Variants in KIAA0825 observed in about 807,000 individuals in gnomAD.
The protein encoded by KIAA0825 is uncharacterized protein KIAA0825.
A neutral mutation model predicts 147.6 loss-of-function variants in KIAA0825; 119 were observed. The ratio of observed to expected loss-of-function variants is 0.81; its 90% CI spans 0.69 to 0.94. KIAA0825 has a LOEUF of 0.94. Ranked by LOEUF, KIAA0825 falls within the 40% of genes least tolerant of loss-of-function variation. The pLI, the probability that KIAA0825 is intolerant of heterozygous loss-of-function variation, is 0.00. For synonymous variants in KIAA0825, 470 were observed against 518.1 expected (o/e 0.91, Z 1.26); for missense variants, 1,381 against 1,472.7 (o/e 0.94, Z 1.02).
chr5:94,329,536 A>G (rs745601337), intron 20 of KIAA0825, among the ~76,000 whole-genome samples: 1 of 152,160 alleles, frequency 6.6e-6, no homozygotes, highest in Non-Finnish European at 1.5e-5. Flanking sequence ...GTATATTTTG[A>G]AATGTAGAGT....
chr5:94,331,717 T>C (rs1379250334), intron 20 of KIAA0825, among the ~76,000 whole-genome samples: 2 of 151,994 alleles, frequency 1.3e-5, no homozygotes, highest in South Asian at 2.1e-4. Context: ...TAGTTCAACT[T>C]TGAAAATCAA....
intron 20 of KIAA0825, among the ~76,000 whole-genome samples, chr5:94,238,731 CCT>C (rs138590038): frequency 8.7e-4 from 131 of 149,728 alleles, no homozygotes; most frequent in Non-Finnish European, 7.1e-4. Context: ...ACAGTCCCTC[CCT>C]CTCTCTCTCT....
intron 20 of KIAA0825, among the ~76,000 whole-genome samples, chr5:94,343,637 C>T (rs527344054): frequency 3.9e-5 from 6 of 152,066 alleles, no homozygotes; most frequent in Non-Finnish European, 8.8e-5. Flanking sequence ...TGCAGTGAGC[C>T]GAGATGGTGC....
intron 8 of KIAA0825, 26 bp from the exon 9 acceptor site, chr5:94,471,757 A>T: frequency 6.5e-7 from 1 of 1,549,150 alleles, no homozygotes; most frequent in Non-Finnish European, 8.7e-7. Context: ...TGTGGCACTG[A>T]GTTATTTGTA....
At chr5:94,494,491 CTT>C (rs1320310226) in intron 5 of KIAA0825, among the ~76,000 whole-genome samples, 2 of 151,974 alleles carry the variant, frequency 1.3e-5, no homozygotes, top group Non-Finnish European at 2.9e-5. Context: ...TTTCAGCTGA[CTT>C]TTGTTTTATG....
intron 20 of KIAA0825, among the ~76,000 whole-genome samples, chr5:94,253,159 G>C (rs1303219347): frequency 6.6e-6 from 1 of 152,072 alleles, no homozygotes; most frequent in Non-Finnish European, 1.5e-5. Context: ...TGATATCTTA[G>C]ATATATAACT....
At chr5:94,500,021 G>T (rs550382265) in intron 5 of KIAA0825, among the ~76,000 whole-genome samples, 2 of 152,272 alleles carry the variant, frequency 1.3e-5, no homozygotes, top group South Asian at 4.1e-4. Context: ...GGCAAGGAAG[G>T]GAATGAAGAG....
intron 20 of KIAA0825, among the ~76,000 whole-genome samples, chr5:94,197,369 C>A (rs1043388866): frequency 6.6e-6 from 1 of 152,010 alleles, no homozygotes; most frequent in Admixed American, 6.6e-5. Flanking sequence ...GATATGAGAC[C>A]TTTCTCTGAT....
At chr5:94,436,480 G>A (rs749041242) in intron 14 of KIAA0825, among the ~76,000 whole-genome samples, 8 of 152,024 alleles carry the variant, frequency 5.3e-5, no homozygotes, top group Non-Finnish European at 1.0e-4. Flanking sequence ...ATTGGTTTGC[G>A]TGTCTGTTCT....
chr5:94,174,809 T>C (rs1171728736), intron 20 of KIAA0825, among the ~76,000 whole-genome samples: 1 of 152,178 alleles, frequency 6.6e-6, no homozygotes, highest in East Asian at 1.9e-4. Flanking sequence ...AGTGTCACAA[T>C]AGGAAGGCAG....
At chr5:94,532,774 A>C (rs192316797) in intron 3 of KIAA0825, among the ~76,000 whole-genome samples, 1 of 146,844 alleles carries the variant, frequency 6.8e-6, no homozygotes, top group Admixed American at 6.9e-5. Flanking sequence ...CCCTCAAGTG[A>C]TCTTCCTGCC....
chr5:94,594,485 T>C (rs544536421), intron 1 of KIAA0825: 1 of 746,920 alleles, frequency 1.3e-6, no homozygotes, highest in Non-Finnish European at 2.5e-6. Flanking sequence ...CTCTTCTTTA[T>C]GGAAGCCATA....
At chr5:94,483,449 T>C (rs981367970) in intron 6 of KIAA0825, among the ~76,000 whole-genome samples, 1 of 151,912 alleles carries the variant, frequency 6.6e-6, no homozygotes, top group East Asian at 1.9e-4. Flanking sequence ...GGAACCAATA[T>C]GTCAGTCAAT....
chr5:94,401,696 C>T (rs1387019517), intron 16 of KIAA0825, among the ~76,000 whole-genome samples: 1 of 152,010 alleles, frequency 6.6e-6, no homozygotes, highest in Non-Finnish European at 1.5e-5. Flanking sequence ...TTTGTCTCTT[C>T]TCATACACCA....
At chr5:94,429,431 T>G (rs1755356733) in intron 14 of KIAA0825, among the ~76,000 whole-genome samples, 1 of 152,124 alleles carries the variant, frequency 6.6e-6, no homozygotes, top group Admixed American at 6.6e-5. Context: ...GGGGTGTGAC[T>G]GTAGGGTCTT....
At chr5:94,249,040 T>C (rs1455731511) in intron 20 of KIAA0825, among the ~76,000 whole-genome samples, 1 of 152,044 alleles carries the variant, frequency 6.6e-6, no homozygotes, top group African/African-American at 2.4e-5. Flanking sequence ...AAATATCTTA[T>C]ATTTTTTTTT....
chr5:94,327,391 T>C (rs1307116651), intron 20 of KIAA0825, among the ~76,000 whole-genome samples: 1 of 152,118 alleles, frequency 6.6e-6, no homozygotes, highest in African/African-American at 2.4e-5. Flanking sequence ...TCTTATTCTA[T>C]AGGCAATTCA....
At chr5:94,212,339 A>G (rs187793991) in intron 20 of KIAA0825, among the ~76,000 whole-genome samples, 1 of 152,200 alleles carries the variant, frequency 6.6e-6, no homozygotes, top group Non-Finnish European at 1.5e-5. Context: ...AAAATGTTCA[A>G]TGTCAAGACT....
At chr5:94,156,901 C>T (rs1767079165) in intron 20 of KIAA0825, among the ~76,000 whole-genome samples, 2 of 151,948 alleles carry the variant, frequency 1.3e-5, no homozygotes, top group Admixed American at 1.3e-4. Context: ...TATTTCACAT[C>T]TATAAGTTCT....
Sources: gnomAD v4.1 joint callset for allele counts (sites outside exome capture counted in the v4.1 genomes callset) on GRCh38, gnomAD v4.1.1 for gene constraint, MANE v1.5 for transcripts, NCBI Gene and HGNC (gene_info 2026-07-23, HGNC 2026-07-21) for gene names.